COBL: variants seen among roughly 807,000 people sequenced by gnomAD.
COBL encodes protein cordon-bleu.
Under a neutral mutation model 98.8 loss-of-function variants are expected in COBL, and 51 were observed. The observed-to-expected ratio is 0.52, with a 90% CI of 0.41 to 0.65. The LOEUF is 0.65. COBL is among the 30% of genes least tolerant of loss of function. COBL has a pLI of 0.00. For missense variants in COBL, 1,617 were observed against 1,617.5 expected, an observed-to-expected ratio of 1.00 and a Z score of 0.01; for synonymous variants, 634 against 651.7, an observed-to-expected ratio of 0.97 and a Z score of 0.41.
intron 6 of COBL, among the ~76,000 whole-genome samples, chr7:51,093,296 C>T (rs1794981397): frequency 6.6e-6 from 1 of 152,070 alleles, no homozygotes; most frequent in Non-Finnish European, 1.5e-5. Flanking sequence ...TATCGCTAAC[C>T]ATATGAGAAA....
chr7:51,311,882 G>T (rs1419398819), intron 1 of COBL, among the ~76,000 whole-genome samples: 1 of 151,830 alleles, frequency 6.6e-6, no homozygotes, highest in Non-Finnish European at 1.5e-5. Context: ...CTTTCAGTGG[G>T]TCATGAAATA....
At chr7:51,241,508 C>G (rs910928597) in intron 1 of COBL, among the ~76,000 whole-genome samples, 3 of 152,170 alleles carry the variant, frequency 2.0e-5, no homozygotes, top group African/African-American at 7.2e-5. Context: ...CTCGGCCGTT[C>G]CCACGATCAC....
At chr7:51,142,168 T>C (rs543668156) in intron 5 of COBL, among the ~76,000 whole-genome samples, 1 of 151,650 alleles carries the variant, frequency 6.6e-6, no homozygotes, top group Non-Finnish European at 1.5e-5. Context: ...GTGAGGCGAG[T>C]AGGAAATGAT....
At chr7:51,041,586 C>A (rs746419099) in intron 8 of COBL, among the ~76,000 whole-genome samples, 1 of 143,954 alleles carries the variant, frequency 6.9e-6, no homozygotes, top group African/African-American at 2.6e-5. Context: ...AGTGTTCAAG[C>A]GATTCTCTTG....
At chr7:51,190,792 T>A (rs1398869377) in intron 4 of COBL, 58 bp downstream of exon 4, 21 of 1,400,258 alleles carry the variant, frequency 1.5e-5, no homozygotes, top group Admixed American at 1.8e-5. Context: ...AGGGGACATG[T>A]ACACGCCGCG....
Position 51,029,430 on chromosome 7 carries a change from A to C in COBL, c.1666T>G (p.Leu556Val). 6.2e-7 allele frequency: 1 copy of C among 1,613,492 alleles called. No homozygotes were observed. Among genetic ancestry groups the C allele is most frequent in the Non-Finnish European group, 8.5e-7 (1 of 1,179,878 alleles). The part of the protein sequence containing the change: ...EVSDDPVDSG[L>V]FSNRNNNAGS... ...GCATTGTTGTTTCTATTGGAAAACA[A>C]CCCCGAATCCACAGGATCATCTGAA... Residue 556 changes from leucine to valine, a missense_variant, in exon 10 of 13, where the codon TTG (leucine) becomes GTG (valine). Leu to Val is a conservative substitution (Grantham distance 32). This residue lies in a region of COBL where 1,304 missense variants were observed against 1,282.0 expected (regional missense o/e 1.02). Transcript: ENST00000265136.
At chr7:51,275,598 C>A (rs1799230908) in intron 1 of COBL, among the ~76,000 whole-genome samples, 1 of 151,956 alleles carries the variant, frequency 6.6e-6, no homozygotes, top group African/African-American at 2.4e-5. Context: ...CTCCACCTGC[C>A]ACCACCACCA....
At chr7:51,134,754 A>G (rs995537240) in intron 6 of COBL, among the ~76,000 whole-genome samples, 1 of 152,186 alleles carries the variant, frequency 6.6e-6, no homozygotes, top group Admixed American at 6.5e-5. Flanking sequence ...AAAGTTCAGA[A>G]TCTACATCCA....
In COBL at chr7:51,292,163, A is replaced by G. The variant is rs1479123813; in HGVS notation, c.41+24430T>C. ...CTTTGACTCAAAAAAAAAAAAAAAA[A>G]GTGGGAGAATTGCCAAATGTTAAAA... On this transcript the variant is annotated intron_variant, in intron 1 of 12. Transcript: ENST00000265136. Among the ~76,000 whole-genome samples the G allele has an allele frequency of 3.3e-5, 5 of 151,692 alleles. No individual in the cohort carries two copies. In the East Asian group the frequency reaches 9.6e-4, roughly 29 times the overall value.
chr7:51,225,239 C>T (rs1001034572), intron 1 of COBL, among the ~76,000 whole-genome samples: 1 of 152,178 alleles, frequency 6.6e-6, no homozygotes. Context: ...CATCTGTACT[C>T]GGTTGTGAAA....
intron 1 of COBL, among the ~76,000 whole-genome samples, chr7:51,306,451 C>CGTTT (rs1443928446): frequency 6.6e-6 from 1 of 152,114 alleles, no homozygotes; most frequent in African/African-American, 2.4e-5. Flanking sequence ...GAAGGAAGCT[C>CGTTT]GTTTATTGAA....
At chr7:51,145,528 G>A (rs1022038726) in intron 5 of COBL, among the ~76,000 whole-genome samples, 5 of 151,948 alleles carry the variant, frequency 3.3e-5, no homozygotes, top group Admixed American at 1.3e-4. Flanking sequence ...ACAGGTACCC[G>A]CCACCATGCC....
chr7:51,308,361 GC>G (rs1802683476), intron 1 of COBL, among the ~76,000 whole-genome samples: 1 of 152,142 alleles, frequency 6.6e-6, no homozygotes, highest in Non-Finnish European at 1.5e-5. Flanking sequence ...CTGCTGCTTT[GC>G]CAAGTGCTGG....
At chr7:51,046,152 G>A (rs983115751) in intron 7 of COBL, among the ~76,000 whole-genome samples, 1 of 152,202 alleles carries the variant, frequency 6.6e-6, no homozygotes, top group Non-Finnish European at 1.5e-5. Context: ...AATGCTGGGA[G>A]GAGAGGGAAC....
At chr7:51,312,308 G>A (rs1722761068) in intron 1 of COBL, among the ~76,000 whole-genome samples, 1 of 152,082 alleles carries the variant, frequency 6.6e-6, no homozygotes, top group South Asian at 2.1e-4. Flanking sequence ...TCCAGCCTGG[G>A]TGACATGGTG....
intron 6 of COBL, among the ~76,000 whole-genome samples, chr7:51,118,453 T>C (rs763471731): frequency 1.3e-5 from 2 of 152,062 alleles, no homozygotes; most frequent in Non-Finnish European, 2.9e-5. Flanking sequence ...TTTTACTGAC[T>C]GTTAAGCAGA....
chr7:51,180,769 C>G lies in COBL; in HGVS notation c.783+3333G>C, dbSNP rs73120425. Among the ~76,000 whole-genome samples the G allele has an allele frequency of 4.9e-3, 747 of 152,300 alleles. 5 individuals carry two copies. Among genetic ancestry groups the G allele is most frequent in the Non-Finnish European group, 7.9e-3 (536 of 68,020 alleles). On this transcript the variant is annotated intron_variant, in intron 5 of 12. Transcript: ENST00000265136. ...CCTGAATTACCTCCTGGCTACAAGT[C>G]TCTAAAGAAGAAGCAGGATGTAATG...
At chr7:51,171,701 TAC>T (rs1277655081) in intron 5 of COBL, among the ~76,000 whole-genome samples, 17 of 152,148 alleles carry the variant, frequency 1.1e-4, no homozygotes, top group East Asian at 3.8e-4. Flanking sequence ...TTCTTCTACT[TAC>T]AGTTTTATAA....
intron 8 of COBL, among the ~76,000 whole-genome samples, chr7:51,036,829 C>T (rs965590618): frequency 6.6e-6 from 1 of 152,188 alleles, no homozygotes; most frequent in African/African-American, 2.4e-5. Context: ...GCCTGACACC[C>T]ACTTATTCGA....
Sources: allele counts gnomAD v4.1 joint callset (sites outside exome capture counted in the v4.1 genomes callset), GRCh38; gene constraint gnomAD v4.1.1; regional missense constraint gnomAD v4.1.1; transcripts MANE v1.5; gene names NCBI Gene and HGNC (gene_info 2026-07-23, HGNC 2026-07-21).